The following SEMA3D variants were observed in gnomAD, a reference collection of about 807,000 sequenced individuals.
The protein encoded by SEMA3D is semaphorin 3D, also known as semaphorin-3D.
In SEMA3D, 84 loss-of-function variants were observed where a neutral mutation model predicts 100.1. The ratio of observed to expected loss-of-function variants is 0.84; its 90% CI spans 0.70 to 1.01. The LOEUF is 1.01. Ranked by LOEUF, SEMA3D falls within the 50% of genes least tolerant of loss-of-function variation. The pLI is 0.00. For synonymous variants in SEMA3D, 312 were observed against 320.7 expected, an observed-to-expected ratio of 0.97 and a Z score of 0.29; for missense variants, 875 against 934.1, an observed-to-expected ratio of 0.94 and a Z score of 0.82.
chr7:85,076,479 G>T (rs1017539330), intron 5 of SEMA3D, among the ~76,000 whole-genome samples: 1 of 151,934 alleles, frequency 6.6e-6, no homozygotes, highest in South Asian at 2.1e-4. Flanking sequence ...TTTCTCCCCA[G>T]ATACCTGGAA....
the SEMA3D span, among the ~76,000 whole-genome samples, chr7:85,205,346 G>A: frequency 6.6e-6 from 1 of 152,102 alleles, no homozygotes; most frequent in African/African-American, 2.4e-5. Flanking sequence ...ATAATGGTAA[G>A]TAGATGAGGT....
Position 85,176,791 on chromosome 7 carries a change from TATAGAGAGAGAG to T in SEMA3D, c.-173+9875_-173+9886del, listed in dbSNP as rs903831427. On this transcript the variant is annotated intron_variant, in intron 1 of 18. Transcript: ENST00000284136. Reference sequence around the variant, plus strand: ...GTGTGTATTTGTATACATATATATATATAGAGAGAGAGAGAGAGAGAGAGAATTGACATTTAG... The same window carrying T: ...GTGTGTATTTGTATACATATATATATAGAGAGAGAGAGAATTGACATTTAG... 3.5e-5 allele frequency among the ~76,000 whole-genome samples: 5 copies of T among 144,088 alleles called. No homozygotes were observed. The Admixed American group carries it at 3.6e-4, about 10-fold the overall frequency. The allele number at this position is 144,088 out of a possible 152,430, so 94.5% of individuals were successfully genotyped here.
At chr7:85,018,410 A>G (rs1790164708) in intron 14 of SEMA3D, 117 bp from the exon 15 acceptor site, 2 of 674,606 alleles carry the variant, frequency 3.0e-6, no homozygotes, top group East Asian at 5.6e-5. Flanking sequence ...TCTCTGTTAC[A>G]TAAGGAAATA....
the SEMA3D span, among the ~76,000 whole-genome samples, chr7:85,231,220 G>A: frequency 6.6e-6 from 1 of 151,924 alleles, no homozygotes; most frequent in Non-Finnish European, 1.5e-5. Flanking sequence ...TTACTATGCT[G>A]TAGCGTCTAC....
At chr7:85,024,597 G>C (rs1790342062) in intron 12 of SEMA3D, among the ~76,000 whole-genome samples, 1 of 151,900 alleles carries the variant, frequency 6.6e-6, no homozygotes, top group African/African-American at 2.4e-5. Flanking sequence ...AGGAAAACCT[G>C]GTTTCTATTG....
At chr7:85,201,687 T>C in the SEMA3D span, among the ~76,000 whole-genome samples, 2 of 152,016 alleles carry the variant, frequency 1.3e-5, no homozygotes, top group African/African-American at 4.8e-5. Flanking sequence ...CAGAACTGAG[T>C]AGGATTTCCT....
chr7:85,001,725 G>A (rs1191076230), intron 18 of SEMA3D, among the ~76,000 whole-genome samples: 1 of 152,144 alleles, frequency 6.6e-6, no homozygotes, highest in East Asian at 1.9e-4. Flanking sequence ...GGGATTAAAA[G>A]CAAAGCTCTT....
At chr7:85,242,560 G>A in the SEMA3D span, among the ~76,000 whole-genome samples, 1 of 152,036 alleles carries the variant, frequency 6.6e-6, no homozygotes, top group East Asian at 1.9e-4. Context: ...GTTGTTTAGT[G>A]GTACTGTTGA....
At chr7:85,096,002 C>A (rs1788539002) in intron 4 of SEMA3D, among the ~76,000 whole-genome samples, 1 of 151,934 alleles carries the variant, frequency 6.6e-6, no homozygotes, top group Non-Finnish European at 1.5e-5. Flanking sequence ...CTTCCAATCC[C>A]TGAAGGCAGA....
Position 85,139,757 on chromosome 7 carries a change from G to T in SEMA3D, c.-41+13851C>A, listed in dbSNP as rs146161748. Among the ~76,000 whole-genome samples, 414 of 152,080 alleles carry T rather than the reference G, an allele frequency of 2.7e-3. 3 individuals carry two copies. Among genetic ancestry groups the T allele is most frequent in the African/African-American group, 9.5e-3 (394 of 41,540 alleles). On this transcript the variant is annotated intron_variant, in intron 2 of 18. Coordinates refer to ENST00000284136, the MANE Select transcript of SEMA3D (RefSeq NM_001384900.1). ...CCATTGATTTCAGAGATATTGAAGT[G>T]AGAAAAAATAACCATTTTAAAACTT...
chr7:85,147,102 T>TTTTTTC (rs1790236214), intron 2 of SEMA3D, among the ~76,000 whole-genome samples: 1 of 123,982 alleles, frequency 8.1e-6, no homozygotes, highest in Non-Finnish European at 1.7e-5. Flanking sequence ...CTTTTTTTTT[T>TTTTTTC]TTTTTTTTTT....
chr7:85,084,593 CT>C (rs976133423), intron 4 of SEMA3D, among the ~76,000 whole-genome samples: 5 of 149,298 alleles, frequency 3.3e-5, no homozygotes, highest in Admixed American at 2.0e-4. Context: ...ATAATATTTT[CT>C]TTTTTTTTCC....
intron 12 of SEMA3D, chr7:85,029,231 T>C: frequency 2.7e-6 from 2 of 739,684 alleles, no homozygotes; most frequent in East Asian, 2.5e-5. Context: ...TCACCTTTGA[T>C]ATTAATGCCA....
intron 1 of SEMA3D, among the ~76,000 whole-genome samples, chr7:85,164,929 G>A (rs938512839): frequency 6.6e-6 from 1 of 152,050 alleles, no homozygotes; most frequent in Non-Finnish European, 1.5e-5. Context: ...GAATGAAAGT[G>A]CTATACAAGA....
chr7:85,032,224 T>C (rs1020728422), intron 12 of SEMA3D, among the ~76,000 whole-genome samples: 1 of 152,024 alleles, frequency 6.6e-6, no homozygotes, highest in African/African-American at 2.4e-5. Context: ...CTGTGAAATA[T>C]AATTTCAATG....
At chr7:85,173,433 C>G (rs976629352) in intron 1 of SEMA3D, among the ~76,000 whole-genome samples, 8 of 151,904 alleles carry the variant, frequency 5.3e-5, no homozygotes, top group Admixed American at 3.9e-4. Context: ...TGCACTGTGC[C>G]CCAAAATTAT....
At chr7:85,003,343 GA>G (rs1252680950) in intron 18 of SEMA3D, among the ~76,000 whole-genome samples, 1 of 151,798 alleles carries the variant, frequency 6.6e-6, no homozygotes, top group Non-Finnish European at 1.5e-5. Flanking sequence ...TTATTAAAAA[GA>G]AAAAATCAAA....
chr7:85,108,951 G>T (rs990118477), intron 3 of SEMA3D, among the ~76,000 whole-genome samples: 4 of 151,228 alleles, frequency 2.6e-5, no homozygotes, highest in Non-Finnish European at 5.9e-5. Context: ...AAAAAAAAAG[G>T]TGTCAAGATG....
At chr7:85,162,082 T>G (rs567637534) in intron 1 of SEMA3D, among the ~76,000 whole-genome samples, 225 of 145,430 alleles carry the variant, frequency 1.5e-3, no homozygotes, top group Middle Eastern at 0.011. Flanking sequence ...GTAAAACGTG[T>G]TTTTTTTTTT....
Sources: gnomAD v4.1 joint callset for allele counts (sites outside exome capture counted in the v4.1 genomes callset) on GRCh38, gnomAD v4.1.1 for gene constraint, MANE v1.5 for transcripts, NCBI Gene and HGNC (gene_info 2026-07-23, HGNC 2026-07-21) for gene names.